Variants in TSPAN11 observed in about 807,000 individuals in gnomAD.
TSPAN11 encodes the protein tetraspanin-11.
A neutral mutation model predicts 32.9 loss-of-function variants in TSPAN11; 29 were observed. That is an observed-to-expected ratio of 0.88 (90% confidence interval 0.66 to 1.20). The LOEUF (loss-of-function observed/expected upper bound fraction) is 1.20, where lower values mean the gene tolerates loss of function less well. Ranked by LOEUF, TSPAN11 falls within the 50% of genes most tolerant of loss-of-function variation. The pLI is 0.00. For synonymous variants in TSPAN11, 140 were observed against 141.3 expected (o/e 0.99, Z 0.07); for missense variants, 283 against 329.1 (o/e 0.86, Z 1.08).
chr12:30,950,854 G>T (rs1220760438), intron 1 of TSPAN11, among the ~76,000 whole-genome samples: 1 of 152,148 alleles, frequency 6.6e-6, no homozygotes, highest in African/African-American at 2.4e-5. Flanking sequence ...ACACATTGAG[G>T]ATACCTCTGA....
chr12:30,984,881 A>G (rs189478031), intron 7 of TSPAN11, among the ~76,000 whole-genome samples: 1 of 152,290 alleles, frequency 6.6e-6, no homozygotes, highest in Non-Finnish European at 1.5e-5. Context: ...TACAGATCAG[A>G]AAGTTGAGAC....
chr12:30,977,977 C>T (rs187553133), intron 3 of TSPAN11, among the ~76,000 whole-genome samples: 8 of 152,300 alleles, frequency 5.3e-5, no homozygotes, highest in Admixed American at 3.3e-4. Context: ...ACGCTGGTCC[C>T]TGCATTCCAA....
chr12:30,961,029 G>GAAA (rs113586330), intron 2 of TSPAN11, among the ~76,000 whole-genome samples: 1 of 138,500 alleles, frequency 7.2e-6, no homozygotes, highest in Non-Finnish European at 1.5e-5. Flanking sequence ...ACAGAGCGAG[G>GAAA]AAAAAAAAAA....
chr12:30,932,591 C>T lies in TSPAN11; in HGVS notation c.-12+5795C>T, dbSNP rs556612401. 5.3e-5 allele frequency among the ~76,000 whole-genome samples: 8 copies of T among 152,254 alleles called. No homozygotes were observed. The East Asian group carries it at 1.5e-3, about 29-fold the overall frequency. On this transcript the variant is annotated intron_variant, in intron 1 of 7. Transcript: ENST00000546076. ...TTGATAATTCAGGACTTGTCTGTGC[C>T]TACCCAAAAAAGAAGGAAGGGTTGG...
At chr12:30,973,473 G>A (rs1480201851) in intron 3 of TSPAN11, among the ~76,000 whole-genome samples, 1 of 152,168 alleles carries the variant, frequency 6.6e-6, no homozygotes, top group Non-Finnish European at 1.5e-5. Flanking sequence ...CCAAGAAAGG[G>A]TTATTTTTTT....
At chr12:30,961,521 T>G (rs1938612299) in intron 2 of TSPAN11, among the ~76,000 whole-genome samples, 1 of 151,958 alleles carries the variant, frequency 6.6e-6, no homozygotes, top group South Asian at 2.1e-4. Context: ...TGAGCAGTGT[T>G]AATTTTCCTG....
the TSPAN11 span, among the ~76,000 whole-genome samples, chr12:31,002,459 G>A: frequency 1.3e-5 from 2 of 152,174 alleles, no homozygotes; most frequent in African/African-American, 4.8e-5. The surrounding 1 kb of genome is among the most constrained non-coding windows in gnomAD (Gnocchi z 4.8). Context: ...CACTGTGACT[G>A]TGACAGCCAA....
intron 3 of TSPAN11, 73 bp from the exon 4 acceptor site, chr12:30,978,488 A>G: frequency 2.0e-6 from 3 of 1,484,882 alleles, no homozygotes; most frequent in Non-Finnish European, 2.8e-6. Flanking sequence ...TACCACCCCC[A>G]CCACTGTGGG....
chr12:30,943,007 C>G (rs938027260), intron 1 of TSPAN11, among the ~76,000 whole-genome samples: 1 of 152,224 alleles, frequency 6.6e-6, no homozygotes, highest in African/African-American at 2.4e-5. Context: ...GCCACTGGAT[C>G]TCTTGGCCTC....
At chr12:30,927,030 C>T (rs1236338922) in intron 1 of TSPAN11, 3 of 1,284,338 alleles carry the variant, frequency 2.3e-6, no homozygotes, top group Non-Finnish European at 3.0e-6. Flanking sequence ...ATGGGACACG[C>T]AACACGGTGT....
At chr12:30,953,680 A>G (rs1938426555) in intron 1 of TSPAN11, among the ~76,000 whole-genome samples, 1 of 152,216 alleles carries the variant, frequency 6.6e-6, no homozygotes, top group Non-Finnish European at 1.5e-5. Flanking sequence ...GAGACAGGAA[A>G]AGAGATTAAG....
chr12:30,966,239 A>T (rs546612829), intron 3 of TSPAN11, among the ~76,000 whole-genome samples: 1 of 152,134 alleles, frequency 6.6e-6, no homozygotes, highest in South Asian at 2.1e-4. Flanking sequence ...GTAGAGCCAT[A>T]AGAAAAGGCA....
In TSPAN11 at chr12:30,979,553, C is replaced by T. The variant is rs765956829; in HGVS notation, c.352-13C>T. The T allele has an allele frequency of 6.2e-7, 1 of 1,613,930 alleles. No homozygotes were observed. Among genetic ancestry groups the T allele is most frequent in the Non-Finnish European group, 8.5e-7 (1 of 1,179,814 alleles). ...GGTCCCGCTGATGGGGACTTCGCTCCTACCCTCCTCAGCTGAGTGATGAAC... is the reference window on the plus strand; with the variant it reads ...GGTCCCGCTGATGGGGACTTCGCTCTTACCCTCCTCAGCTGAGTGATGAAC... On this transcript the variant is annotated splice_polypyrimidine_tract_variant and intron_variant, in intron 4 of 7. Coordinates refer to ENST00000546076, the MANE Select transcript of TSPAN11 (RefSeq NM_001370302.1).
chr12:30,946,945 C>T (rs574856478), intron 1 of TSPAN11, among the ~76,000 whole-genome samples: 1 of 152,142 alleles, frequency 6.6e-6, no homozygotes, highest in African/African-American at 2.4e-5. Context: ...CTTAGGGACA[C>T]CTCCTCCCAT....
chr12:30,927,144 T>C, intron 1 of TSPAN11: 1 of 741,304 alleles, frequency 1.3e-6, no homozygotes, highest in Non-Finnish European at 1.9e-6. Context: ...GGCATGTCTG[T>C]TCCTCTTGAA....
intron 3 of TSPAN11, among the ~76,000 whole-genome samples, chr12:30,977,672 C>T (rs1939003703): frequency 6.6e-6 from 1 of 152,058 alleles, no homozygotes; most frequent in African/African-American, 2.4e-5. Flanking sequence ...CCTTCTAGGC[C>T]TGTTGGCTCC....
At position 30,992,138 on chromosome 12, in the gene TSPAN11, G is replaced by A; in HGVS notation, c.*223G>A. On this transcript the variant is annotated 3_prime_UTR_variant, in exon 8 of 8. Coordinates refer to ENST00000546076, the MANE Select transcript of TSPAN11 (RefSeq NM_001370302.1). ...CTCCATTTCTGAGCCCCCATGGCCAGATCCTGGGCAGGGAAATGATCCTTT... is the reference window on the plus strand; with the variant it reads ...CTCCATTTCTGAGCCCCCATGGCCAAATCCTGGGCAGGGAAATGATCCTTT... The A allele has an allele frequency of 1.7e-6, 1 of 598,774 alleles. No individual in the cohort carries two copies. The allele number at this position is 598,774 out of a possible 1,614,324, so 37.1% of individuals were successfully genotyped here. A position where few individuals can be genotyped will look rare whatever the true frequency, so the allele number is the denominator to read the frequency against.
chr12:31,011,236 A>C, the TSPAN11 span, among the ~76,000 whole-genome samples: 2 of 152,170 alleles, frequency 1.3e-5, no homozygotes, highest in African/African-American at 4.8e-5. Context: ...TCTACTGAAA[A>C]TACAAAAATT....
At chr12:31,014,486 C>A in the TSPAN11 span, among the ~76,000 whole-genome samples, 1 of 152,054 alleles carries the variant, frequency 6.6e-6, no homozygotes, top group South Asian at 2.1e-4. Flanking sequence ...AACATTGAAA[C>A]CCTAGTTGAG....
Sources: gnomAD v4.1 joint callset for allele counts (sites outside exome capture counted in the v4.1 genomes callset) on GRCh38, gnomAD v4.1.1 for gene constraint, Gnocchi (gnomAD v3.1) non-coding constraint, MANE v1.5 for transcripts, NCBI Gene and HGNC (gene_info 2026-07-23, HGNC 2026-07-21) for gene names.